Variants in RTN4 observed in about 807,000 individuals in gnomAD.
RTN4 encodes the protein reticulon 4, also known as reticulon-4.
RTN4 carries 32 observed loss-of-function variants against 90.4 expected under a neutral mutation model. The ratio of observed to expected loss-of-function variants is 0.35; its 90% CI spans 0.27 to 0.48. The LOEUF (loss-of-function observed/expected upper bound fraction) is 0.48, where lower values mean the gene tolerates loss of function less well. RTN4 is among the 20% of genes least tolerant of loss of function. The probability of loss-of-function intolerance (pLI) is 0.99; values close to 1 mark genes in which losing one functional copy is unlikely to be tolerated. For synonymous variants in RTN4, 629 were observed against 552.5 expected (o/e 1.14, Z -1.94); for missense variants, 1,706 against 1,430.2 (o/e 1.19, Z -3.11).
At chr2:55,035,326 A>C (rs1682600428) in intron 1 of RTN4, among the ~76,000 whole-genome samples, 1 of 152,214 alleles carries the variant, frequency 6.6e-6, no homozygotes, top group African/African-American at 2.4e-5. Context: ...TATGTTCTAC[A>C]ATGAATTAAA....
At position 55,074,531 on chromosome 2, in the gene RTN4, A is replaced by AG. The variant is rs1455509599; in HGVS notation, c.-63+5957_-63+5958insC. On this transcript the variant is annotated intron_variant, in intron 2 of 3. Transcript: ENST00000427710. Reference sequence around the variant, plus strand: ...GCTGCCCTCACCAAAAAAAAAAAAAAAAAAAGAAAATATGGAGAAAGAGGG... The same window carrying AG: ...GCTGCCCTCACCAAAAAAAAAAAAAAGAAAAAGAAAATATGGAGAAAGAGGG... Among the ~76,000 whole-genome samples, 41 of 151,722 alleles carry AG rather than the reference A, an allele frequency of 2.7e-4. 1 individual carries two copies. The highest frequency in any genetic ancestry group is 1.8e-3 in the Admixed American group (27 of 15,234).
At chr2:55,096,747 C>T (rs1667729459) in intron 1 of RTN4, among the ~76,000 whole-genome samples, 1 of 151,218 alleles carries the variant, frequency 6.6e-6, no homozygotes, top group South Asian at 2.1e-4. Context: ...GGGTGCCATG[C>T]TAGCACTCCA....
chr2:55,056,725 T>G (rs549869833), intron 2 of RTN4, among the ~76,000 whole-genome samples: 6 of 152,330 alleles, frequency 3.9e-5, no homozygotes, highest in Non-Finnish European at 1.5e-5. Flanking sequence ...TATTGCCTAT[T>G]TAAAAAGTAT....
intron 3 of RTN4, among the ~76,000 whole-genome samples, chr2:54,993,293 C>A (rs62134847): frequency 6.6e-6 from 1 of 152,050 alleles, no homozygotes; most frequent in Non-Finnish European, 1.5e-5. Flanking sequence ...TGTTTCTATT[C>A]GGTACTACTG....
At chr2:54,999,188 G>C (rs552904229) in intron 3 of RTN4, among the ~76,000 whole-genome samples, 41 of 152,148 alleles carry the variant, frequency 2.7e-4, no homozygotes, top group Non-Finnish European at 4.3e-4. Flanking sequence ...GTGTGTAATA[G>C]CATCTTTATC....
At chr2:55,120,670 G>T in the RTN4 span, among the ~76,000 whole-genome samples, 1 of 152,120 alleles carries the variant, frequency 6.6e-6, no homozygotes, top group African/African-American at 2.4e-5. Flanking sequence ...ATGTCTCTGA[G>T]TGAAGCCCTC....
chr2:55,125,446 G>T, the RTN4 span, among the ~76,000 whole-genome samples: 8 of 152,162 alleles, frequency 5.3e-5, no homozygotes, highest in African/African-American at 1.9e-4. Flanking sequence ...AAAAGTGGGC[G>T]AAGGAAATGA....
chr2:55,022,492 A>G (rs1333861064), intron 3 of RTN4, among the ~76,000 whole-genome samples: 3 of 152,038 alleles, frequency 2.0e-5, no homozygotes, highest in African/African-American at 7.2e-5. Context: ...GTTCTCTCAT[A>G]TTCTACACAC....
At chr2:55,070,045 A>T (rs567793296) in intron 2 of RTN4, among the ~76,000 whole-genome samples, 1 of 152,342 alleles carries the variant, frequency 6.6e-6, no homozygotes, top group African/African-American at 2.4e-5. Context: ...GACTAATCAT[A>T]GGGCAAACTG....
intron 1 of RTN4, among the ~76,000 whole-genome samples, chr2:55,035,468 A>G (rs1014159200): frequency 6.6e-6 from 1 of 152,188 alleles, no homozygotes; most frequent in Non-Finnish European, 1.5e-5. Flanking sequence ...GGATGCAGCA[A>G]AGTAATGCTT....
chr2:55,134,707 C>T, the RTN4 span, among the ~76,000 whole-genome samples: 1 of 144,586 alleles, frequency 6.9e-6, no homozygotes. Flanking sequence ...ATCTAATTCT[C>T]CAGAGCCAGC....
chr2:55,085,808 A>C (rs1668826741), intron 1 of RTN4, among the ~76,000 whole-genome samples: 1 of 152,216 alleles, frequency 6.6e-6, no homozygotes, highest in South Asian at 2.1e-4. Context: ...CGTTAGGCCC[A>C]TTATGAGACA....
At chr2:55,113,589 G>T (rs55911307), upstream of RTN4, among the ~76,000 whole-genome samples, 1 of 152,234 alleles carries the variant, frequency 6.6e-6, no homozygotes, top group Admixed American at 6.5e-5. Context: ...ATGGATTTCC[G>T]TCCAGCAAGT....
chr2:55,051,254 C>G (rs1040689576), upstream of RTN4, among the ~76,000 whole-genome samples: 28 of 152,226 alleles, frequency 1.8e-4, 1 homozygote, highest in African/African-American at 6.7e-4. Context: ...TGGACTCTTA[C>G]ATGGTAAGAG....
At chr2:54,992,072 T>A (rs550432663) in intron 3 of RTN4, among the ~76,000 whole-genome samples, 2 of 152,188 alleles carry the variant, frequency 1.3e-5, no homozygotes, top group Admixed American at 1.3e-4. Flanking sequence ...AAGTGGGTTA[T>A]GCCTGTAATT....
chr2:54,995,382 G>A (rs1286947720), intron 3 of RTN4, among the ~76,000 whole-genome samples: 2 of 152,092 alleles, frequency 1.3e-5, no homozygotes, highest in Non-Finnish European at 2.9e-5. Flanking sequence ...TAGTGGTGGT[G>A]GGTTAAATCA....
At chr2:55,092,123 G>C (rs1287767445) in intron 1 of RTN4, among the ~76,000 whole-genome samples, 1 of 151,288 alleles carries the variant, frequency 6.6e-6, no homozygotes, top group African/African-American at 2.4e-5. Flanking sequence ...CCAGGAGTTT[G>C]AGGCTGCAGT....
chr2:55,004,451 A>C (rs977865910), intron 3 of RTN4, among the ~76,000 whole-genome samples: 2 of 152,118 alleles, frequency 1.3e-5, no homozygotes, highest in African/African-American at 4.8e-5. Context: ...CTTGTCAGTA[A>C]AACAGGAAAG....
intron 2 of RTN4, among the ~76,000 whole-genome samples, chr2:55,069,777 T>C (rs1668454721): frequency 6.6e-6 from 1 of 152,200 alleles, no homozygotes; most frequent in Non-Finnish European, 1.5e-5. Context: ...CGAAGTTCAG[T>C]GTTTTCTCTA....
Sources: gnomAD v4.1 joint callset for allele counts (sites outside exome capture counted in the v4.1 genomes callset) on GRCh38, gnomAD v4.1.1 for gene constraint, MANE v1.5 for transcripts, NCBI Gene and HGNC (gene_info 2026-07-23, HGNC 2026-07-21) for gene names.